Variants in CERS6 observed in about 807,000 individuals in gnomAD.
The protein encoded by CERS6 is ceramide synthase 6.
CERS6 carries 26 observed loss-of-function variants against 56.8 expected under a neutral mutation model. The ratio of observed to expected loss-of-function variants is 0.46; its 90% CI spans 0.34 to 0.63. The LOEUF is 0.63. Among genes scored for constraint, CERS6 ranks in the 30% least tolerant of loss-of-function variants. The pLI, the probability that CERS6 is intolerant of heterozygous loss-of-function variation, is 0.01. For synonymous variants in CERS6, 164 were observed against 173.3 expected, an observed-to-expected ratio of 0.95 and a Z score of 0.42; for missense variants, 415 against 467.5, an observed-to-expected ratio of 0.89 and a Z score of 1.04.
chr2:168,717,340 C>G (rs1309462908), intron 7 of CERS6, among the ~76,000 whole-genome samples: 1 of 151,984 alleles, frequency 6.6e-6, no homozygotes, highest in African/African-American at 2.4e-5. Flanking sequence ...AGCATCTCCC[C>G]AGAGTACTCC....
intron 8 of CERS6, among the ~76,000 whole-genome samples, chr2:168,733,067 C>T (rs991252230): frequency 2.0e-5 from 3 of 151,982 alleles, no homozygotes; most frequent in South Asian, 2.1e-4. Context: ...GGCTTCTTTT[C>T]GTAATTAAAT....
At chr2:168,488,167 T>C (rs1037192650) in intron 1 of CERS6, among the ~76,000 whole-genome samples, 5 of 151,662 alleles carry the variant, frequency 3.3e-5, no homozygotes, top group African/African-American at 4.8e-5. Flanking sequence ...TGTTGCATTA[T>C]ATTGTCTTAG....
intron 4 of CERS6, among the ~76,000 whole-genome samples, chr2:168,672,519 C>T (rs1036873650): frequency 5.9e-5 from 9 of 152,212 alleles, no homozygotes; most frequent in Non-Finnish European, 1.3e-4. Flanking sequence ...AGGCCTAATT[C>T]TACTTAGTGT....
chr2:168,564,268 G>A (rs544596592), intron 3 of CERS6, among the ~76,000 whole-genome samples: 490 of 152,228 alleles, frequency 3.2e-3, no homozygotes, highest in Non-Finnish European at 5.4e-3. Flanking sequence ...TTCCACTCCT[G>A]ACTTTATTTT....
chr2:168,627,623 A>C (rs1574110501), intron 3 of CERS6, among the ~76,000 whole-genome samples: 1 of 73,134 alleles, frequency 1.4e-5, no homozygotes, highest in Non-Finnish European at 2.6e-5. Context: ...TTATGCTTGA[A>C]CACTGAAGTT....
intron 1 of CERS6, among the ~76,000 whole-genome samples, chr2:168,460,502 A>AT (rs1030570535): frequency 2.2e-3 from 328 of 149,838 alleles, no homozygotes; most frequent in African/African-American, 3.7e-3. Context: ...TGGTCAAGAG[A>AT]TTTTTTTTTT....
intron 2 of CERS6, among the ~76,000 whole-genome samples, chr2:168,558,794 A>G (rs1695732398): frequency 6.6e-6 from 1 of 152,202 alleles, no homozygotes. Flanking sequence ...GTGTGAACCC[A>G]GGAGGTGGAG....
intron 1 of CERS6, among the ~76,000 whole-genome samples, chr2:168,546,502 A>G (rs1324029422): frequency 6.6e-6 from 1 of 152,174 alleles, no homozygotes; most frequent in African/African-American, 2.4e-5. Context: ...AGGACCCAGT[A>G]GGATATTATG....
intron 4 of CERS6, among the ~76,000 whole-genome samples, chr2:168,689,988 C>T (rs1326694594): frequency 3.3e-5 from 5 of 152,070 alleles, no homozygotes; most frequent in Non-Finnish European, 7.4e-5. Flanking sequence ...GGTAGTTATT[C>T]ACAGACTCGG....
At position 168,631,808 on chromosome 2, in the gene CERS6, ATAATTTATT is replaced by A. The variant is rs1684748208; in HGVS notation, c.465+767_465+775del. On this transcript the variant is annotated intron_variant, in intron 4 of 9. Transcript: ENST00000305747. ...ATTTGTTATATATAATATATATTAT[ATAATTTATT>A]ATATATTATATAATATATATTATAT... Among the ~76,000 whole-genome samples the A allele has an allele frequency of 1.0e-4, 13 of 128,972 alleles. No homozygotes were observed. In the Admixed American group the frequency reaches 1.1e-3, roughly 11 times the overall value. 84.6% of individuals were successfully genotyped at this position (128,972 alleles called of 152,430 possible). A position where few individuals can be genotyped will look rare whatever the true frequency, so the allele number is the denominator to read the frequency against.
intron 1 of CERS6, among the ~76,000 whole-genome samples, chr2:168,510,927 G>A (rs1694768187): frequency 6.6e-6 from 1 of 152,188 alleles, no homozygotes; most frequent in Non-Finnish European, 1.5e-5. Flanking sequence ...ATAGAGACAA[G>A]CTAAGCAAAG....
chr2:168,753,842 TCA>T (rs1304246428), intron 8 of CERS6, among the ~76,000 whole-genome samples: 3 of 152,168 alleles, frequency 2.0e-5, no homozygotes, highest in African/African-American at 4.8e-5. Context: ...AATCACATCC[TCA>T]CACACACAGC....
chr2:168,530,467 T>C (rs1325952181), intron 1 of CERS6, among the ~76,000 whole-genome samples: 1 of 152,164 alleles, frequency 6.6e-6, no homozygotes, highest in Non-Finnish European at 1.5e-5. Flanking sequence ...TCGACAAGGG[T>C]ATTTTCGTAT....
At chr2:168,580,398 G>T (rs770163157) in intron 3 of CERS6, among the ~76,000 whole-genome samples, 3 of 152,020 alleles carry the variant, frequency 2.0e-5, no homozygotes, top group Non-Finnish European at 4.4e-5. Context: ...ATTACAACGG[G>T]TATACCTAAG....
chr2:168,660,804 A>AT (rs1333389389), intron 4 of CERS6, among the ~76,000 whole-genome samples: 1 of 152,034 alleles, frequency 6.6e-6, no homozygotes, highest in Non-Finnish European at 1.5e-5. Flanking sequence ...TTTGTGTCTC[A>AT]TTTTTTAAAG....
chr2:168,606,044 G>A lies in CERS6; in HGVS notation c.408-24941G>A, dbSNP rs1684044871. ...CAGACCCAAAATGGTAGATCCACCA[G>A]CAGCTTGGACCCTGCACCTGGAAAA... On this transcript the variant is annotated intron_variant, in intron 3 of 9. Transcript: ENST00000305747. Among the ~76,000 whole-genome samples the A allele has an allele frequency of 2.0e-5, 3 of 152,172 alleles. No homozygotes were observed. The South Asian group carries it at 6.2e-4, about 31-fold the overall frequency.
chr2:168,588,613 G>T (rs1265955220), intron 3 of CERS6, among the ~76,000 whole-genome samples: 2 of 152,114 alleles, frequency 1.3e-5, no homozygotes, highest in Non-Finnish European at 2.9e-5. Context: ...ATATTCCATT[G>T]TATGTATATA....
chr2:168,530,527 A>G (rs1695148104), intron 1 of CERS6, among the ~76,000 whole-genome samples: 1 of 152,168 alleles, frequency 6.6e-6, no homozygotes, highest in African/African-American at 2.4e-5. Flanking sequence ...GTTTTTTTAT[A>G]TCTGGTTTTA....
chr2:168,646,633 A>G (rs575632175), intron 4 of CERS6, among the ~76,000 whole-genome samples: 44 of 152,050 alleles, frequency 2.9e-4, no homozygotes, highest in African/African-American at 1.0e-3. Flanking sequence ...CCAGGATGGT[A>G]TCACCTACGT....
Sources: gnomAD v4.1 joint callset for allele counts (sites outside exome capture counted in the v4.1 genomes callset) on GRCh38, gnomAD v4.1.1 for gene constraint, MANE v1.5 for transcripts, NCBI Gene and HGNC (gene_info 2026-07-23, HGNC 2026-07-21) for gene names.